Variants in STIM1 observed in about 807,000 individuals in gnomAD.
STIM1 encodes stromal interaction molecule 1.
In STIM1, 25 loss-of-function variants were observed where a neutral mutation model predicts 74.7. The ratio of observed to expected loss-of-function variants is 0.33; its 90% CI spans 0.24 to 0.47. The LOEUF is 0.47. STIM1 is among the 20% of genes least tolerant of loss of function. The pLI is 1.00. For synonymous variants in STIM1, 328 were observed against 348.8 expected (o/e 0.94, Z 0.66); for missense variants, 728 against 920.8 (o/e 0.79, Z 2.71).
At chr11:3,976,864 G>T (rs138589493) in intron 2 of STIM1, among the ~76,000 whole-genome samples, 157 of 151,830 alleles carry the variant, frequency 1.0e-3, no homozygotes, top group Middle Eastern at 6.8e-3. Flanking sequence ...GTACAGTCTT[G>T]GCTCACTGCA....
At chr11:3,904,423 C>T (rs543183204) in intron 1 of STIM1, among the ~76,000 whole-genome samples, 1 of 151,886 alleles carries the variant, frequency 6.6e-6, no homozygotes, top group African/African-American at 2.4e-5. Context: ...GAGGGAGTGG[C>T]ACGAGATGAA....
At chr11:4,061,900 A>G (rs527916322) in intron 5 of STIM1, among the ~76,000 whole-genome samples, 3 of 152,358 alleles carry the variant, frequency 2.0e-5, no homozygotes, top group African/African-American at 7.2e-5. Context: ...CACATATTAT[A>G]TGATTCTGTT....
intron 3 of STIM1, among the ~76,000 whole-genome samples, chr11:4,028,206 C>T (rs959978202): frequency 1.5e-4 from 23 of 151,996 alleles, no homozygotes; most frequent in East Asian, 1.9e-4. Flanking sequence ...CTCAGCCTCC[C>T]GAGTAGCTGG....
In STIM1 at chr11:3,856,555, A is replaced by G. The variant is rs190265844; in HGVS notation, c.139+146A>G. ...CACTGCCTGTTCCAAGTAGTTCAAGAAGTTCTTTCTGGTCAGTAGTCATGG... is the reference window on the plus strand; with the variant it reads ...CACTGCCTGTTCCAAGTAGTTCAAGGAGTTCTTTCTGGTCAGTAGTCATGG... On this transcript the variant is annotated intron_variant, in intron 1 of 12. Coordinates refer to ENST00000526596, the MANE Select transcript of STIM1 (RefSeq NM_001382567.1). The G allele has an allele frequency of 2.4e-4, 253 of 1,039,990 alleles. No individual in the cohort carries two copies. The African/African-American group carries it at 3.2e-3, about 13-fold the overall frequency. 64.4% of individuals were successfully genotyped at this position (1,039,990 alleles called of 1,614,324 possible).
chr11:3,902,790 C>T (rs111449820), intron 1 of STIM1, among the ~76,000 whole-genome samples: 4,722 of 152,208 alleles, frequency 0.031, 107 homozygotes, highest in South Asian at 0.094. Context: ...CTGCTGAAGG[C>T]GTTAATTTCT....
At chr11:3,933,496 C>G (rs2092895901) in intron 1 of STIM1, among the ~76,000 whole-genome samples, 1 of 152,098 alleles carries the variant, frequency 6.6e-6, no homozygotes, top group South Asian at 2.1e-4. Context: ...TCCATGTTTC[C>G]CTCTCTCATC....
rs1321216243 is a variant in STIM1, at chr11:3,895,739, TCTTTCTTC to T, written c.139+39334_139+39341del. The stretch of plus-strand genomic sequence containing the variant: ...CTTTCTTTCTTTCTTTCTTTCTTTT[TCTTTCTTC>T]CTTCCTTCCTTCCTTCCTTCCTTCC... On this transcript the variant is annotated intron_variant, in intron 1 of 12. Coordinates refer to ENST00000526596, the MANE Select transcript of STIM1 (RefSeq NM_001382567.1). 2.1e-3 allele frequency among the ~76,000 whole-genome samples: 70 copies of T among 33,556 alleles called. 8 individuals are homozygous for T. The highest frequency in any genetic ancestry group is 9.3e-3 in the Middle Eastern group (1 of 108). The allele number at this position is 33,556 out of a possible 152,430, so 22.0% of individuals were successfully genotyped here. A position where few individuals can be genotyped will look rare whatever the true frequency, so the allele number is the denominator to read the frequency against.
At chr11:3,929,528 A>G (rs1198718933) in intron 1 of STIM1, among the ~76,000 whole-genome samples, 4 of 152,164 alleles carry the variant, frequency 2.6e-5, no homozygotes, top group African/African-American at 4.8e-5. Flanking sequence ...TTTTGTTTCT[A>G]GAACACAGTG....
chr11:3,894,770 G>A lies in STIM1; in HGVS notation c.139+38361G>A, dbSNP rs539485342. Reference sequence around the variant, plus strand: ...TTTCTTTTTTTTGAGACAGGGTCTCGATTTGTTGCCCAGGCTGGAGTACAG... The same window carrying A: ...TTTCTTTTTTTTGAGACAGGGTCTCAATTTGTTGCCCAGGCTGGAGTACAG... On this transcript the variant is annotated intron_variant, in intron 1 of 12. Coordinates refer to ENST00000526596, the MANE Select transcript of STIM1 (RefSeq NM_001382567.1). 3.9e-5 allele frequency among the ~76,000 whole-genome samples: 6 copies of A among 152,064 alleles called. 1 individual carries two copies. Among genetic ancestry groups the A allele is most frequent in the African/African-American group, 1.2e-4 (5 of 41,484 alleles).
chr11:3,899,154 A>C (rs1298339556), intron 1 of STIM1, among the ~76,000 whole-genome samples: 2 of 152,154 alleles, frequency 1.3e-5, no homozygotes, highest in Admixed American at 1.3e-4. Context: ...ATGAGCATGG[A>C]ATGTTCTTCC....
chr11:4,011,940 A>G (rs1227463429), intron 2 of STIM1, among the ~76,000 whole-genome samples: 4 of 152,228 alleles, frequency 2.6e-5, no homozygotes, highest in Non-Finnish European at 4.4e-5. Flanking sequence ...CTTTTTACAT[A>G]TGGCTAGCCA....
chr11:4,038,527 A>G (rs547375726), intron 3 of STIM1, among the ~76,000 whole-genome samples: 3 of 152,132 alleles, frequency 2.0e-5, no homozygotes, highest in Non-Finnish European at 4.4e-5. Flanking sequence ...AGCTGGGGCA[A>G]TTGTATAACT....
chr11:3,923,608 CAA>C (rs770788044), intron 1 of STIM1, among the ~76,000 whole-genome samples: 63 of 108,034 alleles, frequency 5.8e-4, no homozygotes, highest in Middle Eastern at 5.6e-3. Context: ...GACCCTATCT[CAA>C]AAAAAAAAAA....
chr11:3,980,124 A>C (rs1240377900), intron 2 of STIM1, among the ~76,000 whole-genome samples: 1 of 152,226 alleles, frequency 6.6e-6, no homozygotes, highest in Non-Finnish European at 1.5e-5. Flanking sequence ...TCCTGCACTA[A>C]TACTGGCATT....
At chr11:3,964,735 T>C (rs1191965677) in intron 1 of STIM1, among the ~76,000 whole-genome samples, 1 of 151,834 alleles carries the variant, frequency 6.6e-6, no homozygotes, top group Admixed American at 6.6e-5. Flanking sequence ...TTCTTTTTTT[T>C]TTTTTTTGAG....
At chr11:3,973,224 A>G in intron 2 of STIM1, 1 of 463,820 alleles carries the variant, frequency 2.2e-6, no homozygotes, top group Non-Finnish European at 4.2e-6. Context: ...AGTCACCACA[A>G]CCACTGAAGT....
intron 1 of STIM1, among the ~76,000 whole-genome samples, chr11:3,904,104 G>T (rs2092414040): frequency 6.9e-6 from 1 of 145,970 alleles, no homozygotes; most frequent in African/African-American, 2.5e-5. Flanking sequence ...GGCTGAGGCA[G>T]GAGAATTGCT....
intron 2 of STIM1, among the ~76,000 whole-genome samples, chr11:3,996,015 C>T (rs1336089836): frequency 1.3e-5 from 2 of 152,116 alleles, no homozygotes; most frequent in Non-Finnish European, 2.9e-5. Flanking sequence ...TAGCCTATAT[C>T]TCCAATGAAT....
intron 1 of STIM1, among the ~76,000 whole-genome samples, chr11:3,862,988 G>A (rs533055088): frequency 2.0e-5 from 3 of 152,168 alleles, no homozygotes; most frequent in East Asian, 1.9e-4. Context: ...CACCTCCTGG[G>A]TTTAAGCAAT....
Sources: gnomAD v4.1 joint callset for allele counts (sites outside exome capture counted in the v4.1 genomes callset) on GRCh38, gnomAD v4.1.1 for gene constraint, MANE v1.5 for transcripts, NCBI Gene and HGNC (gene_info 2026-07-23, HGNC 2026-07-21) for gene names.